The following HOMER2 variants were observed in gnomAD, a reference collection of about 807,000 sequenced individuals.
HOMER2 encodes homer protein homolog 2.
Under a neutral mutation model 47.0 loss-of-function variants are expected in HOMER2, and 27 were observed. That is an observed-to-expected ratio of 0.57 (90% CI 0.42 to 0.79). The LOEUF is 0.79. HOMER2 is among the 30% of genes least tolerant of loss of function. HOMER2 has a pLI of 0.00. For synonymous variants in HOMER2, 161 were observed against 163.8 expected, an observed-to-expected ratio of 0.98 and a Z score of 0.13; for missense variants, 443 against 435.0, an observed-to-expected ratio of 1.02 and a Z score of -0.16.
chr15:82,927,492 T>C (rs758937286), intron 1 of HOMER2, among the ~76,000 whole-genome samples: 1 of 152,250 alleles, frequency 6.6e-6, no homozygotes, highest in Non-Finnish European at 1.5e-5. Context: ...TGTTGCTTGA[T>C]TGGGAAACCA....
upstream of HOMER2, chr15:82,985,976 CA>C (rs2030585779): frequency 2.9e-5 from 21 of 715,684 alleles, 1 homozygote; most frequent in South Asian, 1.2e-3. Context: ...TGCTCCCAAT[CA>C]AAGGAGCTTA....
intron 1 of HOMER2, among the ~76,000 whole-genome samples, chr15:82,926,917 T>A (rs1273939630): frequency 6.6e-6 from 1 of 152,168 alleles, no homozygotes; most frequent in Non-Finnish European, 1.5e-5. Context: ...GCCTCCAGAA[T>A]GGTAAGCCAG....
intron 8 of HOMER2, 86 bp from the exon 9 acceptor site, chr15:82,849,989 T>C: frequency 7.3e-7 from 1 of 1,373,386 alleles, no homozygotes; most frequent in Non-Finnish European, 1.0e-6. Context: ...CCAACCATTC[T>C]CCATCCAATC....
At chr15:82,882,350 T>C (rs1296558290) in intron 2 of HOMER2, among the ~76,000 whole-genome samples, 1 of 152,178 alleles carries the variant, frequency 6.6e-6, no homozygotes, top group Non-Finnish European at 1.5e-5. Flanking sequence ...TTCTATGGCG[T>C]TGCCCACCCT....
chr15:82,897,210 C>A (rs572321760), intron 1 of HOMER2, among the ~76,000 whole-genome samples: 1 of 151,610 alleles, frequency 6.6e-6, no homozygotes, highest in Non-Finnish European at 1.5e-5. Context: ...GGATTACAGG[C>A]GCCTGCCACC....
intron 5 of HOMER2, among the ~76,000 whole-genome samples, chr15:82,857,763 G>C (rs141099538): frequency 3.3e-5 from 5 of 152,018 alleles, no homozygotes; most frequent in Admixed American, 6.5e-5. Flanking sequence ...CTCTGAGGAG[G>C]GGGGCTTCTC....
At chr15:82,967,067 T>C (rs950605585) in intron 1 of HOMER2, among the ~76,000 whole-genome samples, 3 of 152,056 alleles carry the variant, frequency 2.0e-5, no homozygotes, top group Non-Finnish European at 4.4e-5. Context: ...CTGAGCAACA[T>C]AGTGAGACCC....
At chr15:82,838,574 C>T (rs1373859016) in exon 2 of HOMER2, 2 of 152,276 alleles carry the variant, frequency 1.3e-5, no homozygotes, top group Admixed American at 1.3e-4. Context: ...CATGGAGATT[C>T]CTACAGCACA....
At chr15:82,859,266 T>A in intron 4 of HOMER2, 131 bp from the exon 5 acceptor site, 2 of 1,273,096 alleles carry the variant, frequency 1.6e-6, no homozygotes, top group Non-Finnish European at 2.2e-6. Flanking sequence ...ACGAACCAAC[T>A]CATCCAACCA....
At chr15:82,872,128 T>A (rs748183756) in intron 3 of HOMER2, among the ~76,000 whole-genome samples, 3 of 151,260 alleles carry the variant, frequency 2.0e-5, no homozygotes, top group Non-Finnish European at 4.4e-5. Context: ...GGGAAGGGAG[T>A]TCCCAACACA....
exon 2 of HOMER2, chr15:82,842,188 T>C (rs2051182552): frequency 6.6e-6 from 1 of 152,174 alleles, no homozygotes; most frequent in South Asian, 2.1e-4. Context: ...ATAAATTTAC[T>C]GAAAGGTTAA....
chr15:82,910,609 G>C (rs986786175), intron 1 of HOMER2, among the ~76,000 whole-genome samples: 1 of 152,202 alleles, frequency 6.6e-6, no homozygotes, highest in Non-Finnish European at 1.5e-5. Flanking sequence ...TTGGGGGAAA[G>C]AAATCTGGAA....
intron 8 of HOMER2, among the ~76,000 whole-genome samples, chr15:82,850,654 A>AC (rs1567010808): frequency 6.6e-6 from 1 of 152,222 alleles, no homozygotes; most frequent in Non-Finnish European, 1.5e-5. Context: ...AGGGTCATGT[A>AC]ACTACATGAA....
intron 4 of HOMER2, among the ~76,000 whole-genome samples, chr15:82,859,593 CAACTT>C (rs1484377233): frequency 1.3e-5 from 2 of 152,142 alleles, no homozygotes; most frequent in Non-Finnish European, 2.9e-5. Flanking sequence ...GAAAAGGAGA[CAACTT>C]AAATATCTTG....
chr15:82,869,129 G>A (rs2052093471), intron 3 of HOMER2, among the ~76,000 whole-genome samples: 1 of 152,144 alleles, frequency 6.6e-6, no homozygotes, highest in Non-Finnish European at 1.5e-5. Flanking sequence ...CTGCTTTGCA[G>A]GAGCAGCCAC....
chr15:82,979,994 G>C (rs1161468759), intron 1 of HOMER2, among the ~76,000 whole-genome samples: 2 of 152,170 alleles, frequency 1.3e-5, no homozygotes, highest in African/African-American at 2.4e-5. Context: ...GCAACACAAG[G>C]AGAGTATAGG....
chr15:82,914,891 A>T (rs1030827601), intron 1 of HOMER2, among the ~76,000 whole-genome samples: 7 of 152,292 alleles, frequency 4.6e-5, no homozygotes, highest in African/African-American at 1.7e-4. Context: ...GTGCATTTAG[A>T]GGACAGATGG....
At chr15:82,971,911 G>T (rs903506293) in intron 1 of HOMER2, among the ~76,000 whole-genome samples, 2 of 152,120 alleles carry the variant, frequency 1.3e-5, no homozygotes, top group Non-Finnish European at 2.9e-5. Context: ...ATTAACTCCT[G>T]CCCTTAAGGT....
intron 1 of HOMER2, among the ~76,000 whole-genome samples, chr15:82,974,652 G>A (rs2030139515): frequency 6.6e-6 from 1 of 152,212 alleles, no homozygotes; most frequent in African/African-American, 2.4e-5. Context: ...GAGAAGACTA[G>A]TAAAGAGCTC....
Sources: allele counts gnomAD v4.1 joint callset (sites outside exome capture counted in the v4.1 genomes callset), GRCh38; gene constraint gnomAD v4.1.1; transcripts MANE v1.5; gene names NCBI Gene and HGNC (gene_info 2026-07-23, HGNC 2026-07-21).